Variants in PHTF2 observed in about 807,000 individuals in gnomAD.
The protein encoded by PHTF2 is putative homeodomain transcription factor 2.
PHTF2 carries 60 observed loss-of-function variants against 101.2 expected under a neutral mutation model. The ratio of observed to expected loss-of-function variants is 0.59; its 90% confidence interval spans 0.48 to 0.73. The LOEUF is 0.73. PHTF2 is among the 30% of genes least tolerant of loss of function. PHTF2 has a pLI of 0.00. For missense variants in PHTF2, 747 were observed against 908.7 expected (o/e 0.82, Z 2.29); for synonymous variants, 311 against 307.3 (o/e 1.01, Z -0.13).
chr7:77,812,779 T>C (rs545659308), intron 1 of PHTF2, among the ~76,000 whole-genome samples: 7 of 152,094 alleles, frequency 4.6e-5, no homozygotes, highest in Non-Finnish European at 7.4e-5. Flanking sequence ...TTAGTAGAGA[T>C]GGGGTTTCAC....
chr7:77,909,776 G>A (rs17515730), intron 8 of PHTF2: 24,361 of 153,468 alleles, frequency 0.16, 2,190 homozygotes, highest in African/African-American at 0.24. Flanking sequence ...TTTTGGAGCA[G>A]GTCCTCTTTT....
chr7:77,951,696 CTACT>C lies in PHTF2; in HGVS notation c.2196_2199del (p.Thr733AsnfsTer3). ...CTAGTGAATAATGTTTTAAAACTGG[CTACT>C]AAACTGCTAAAGGTAAGAATAGAAC... On this transcript the variant is annotated frameshift_variant, in exon 18 of 20. Coordinates refer to ENST00000416283, the Ensembl canonical transcript of PHTF2. LOFTEE classifies it high-confidence loss of function. 7.1e-7 allele frequency: 1 copy of C among 1,401,560 alleles called. No individual in the cohort carries two copies. Among genetic ancestry groups the C allele is most frequent in the Non-Finnish European group, 9.7e-7 (1 of 1,027,146 alleles). 86.8% of individuals were successfully genotyped at this position (1,401,560 alleles called of 1,614,324 possible).
intron 1 of PHTF2, among the ~76,000 whole-genome samples, chr7:77,829,221 T>C (rs910241381): frequency 6.6e-6 from 1 of 152,302 alleles, no homozygotes; most frequent in East Asian, 1.9e-4. Context: ...ACTTAGATTT[T>C]GTAACAGCAC....
intron 11 of PHTF2, chr7:77,923,105 T>C (rs1803637338): frequency 9.8e-7 from 1 of 1,019,846 alleles, no homozygotes; most frequent in Non-Finnish European, 1.2e-6. Context: ...TGAAAGGCTT[T>C]ATACATTTGA....
At chr7:77,908,131 A>G (rs1453930032) in intron 7 of PHTF2, 1 of 152,140 alleles carries the variant, frequency 6.6e-6, no homozygotes, top group Non-Finnish European at 1.5e-5. Flanking sequence ...TTGTATTCAG[A>G]CTTACTAAGA....
At chr7:77,835,282 A>T (rs1424456205) in intron 1 of PHTF2, among the ~76,000 whole-genome samples, 1 of 151,772 alleles carries the variant, frequency 6.6e-6, no homozygotes, top group African/African-American at 2.4e-5. Flanking sequence ...CTCAAAAAAA[A>T]AAAAAACAAG....
intron 1 of PHTF2, among the ~76,000 whole-genome samples, chr7:77,816,832 T>A (rs983184886): frequency 5.3e-5 from 8 of 152,240 alleles, no homozygotes; most frequent in Non-Finnish European, 7.3e-5. Flanking sequence ...TTTAACTTTC[T>A]GTTCCTGGCT....
chr7:77,911,561 C>G (rs1802400965), intron 9 of PHTF2, among the ~76,000 whole-genome samples: 1 of 152,178 alleles, frequency 6.6e-6, no homozygotes, highest in African/African-American at 2.4e-5. Flanking sequence ...TTGCAAATAA[C>G]TATTCTGTCA....
chr7:77,893,643 T>A, exon 4 of PHTF2: 1 of 1,425,830 alleles, frequency 7.0e-7, no homozygotes, highest in Non-Finnish European at 9.8e-7. Flanking sequence ...GGGAAAAATC[T>A]GTTGAACAGA....
At chr7:77,885,302 G>A (rs562754657) in intron 3 of PHTF2, among the ~76,000 whole-genome samples, 4 of 152,152 alleles carry the variant, frequency 2.6e-5, no homozygotes, top group Non-Finnish European at 5.9e-5. Context: ...TCACTGTGTT[G>A]TCCAGGCCAG....
chr7:77,803,416 C>T (rs532312815), intron 1 of PHTF2, among the ~76,000 whole-genome samples: 1 of 152,140 alleles, frequency 6.6e-6, no homozygotes, highest in African/African-American at 2.4e-5. Flanking sequence ...GTTACAGATA[C>T]CAGAAAATTT....
chr7:77,834,143 T>C (rs1202431844), intron 1 of PHTF2, among the ~76,000 whole-genome samples: 1 of 151,876 alleles, frequency 6.6e-6, no homozygotes, highest in African/African-American at 2.4e-5. Flanking sequence ...CCAGACCTCG[T>C]GTCTGCTAAA....
At chr7:77,901,517 C>T (rs1801392437) in intron 6 of PHTF2, among the ~76,000 whole-genome samples, 1 of 152,030 alleles carries the variant, frequency 6.6e-6, no homozygotes, top group African/African-American at 2.4e-5. Flanking sequence ...ATTTGTAATT[C>T]CTAACTAGAA....
chr7:77,815,545 G>A (rs1176996895), intron 1 of PHTF2, among the ~76,000 whole-genome samples: 3 of 152,162 alleles, frequency 2.0e-5, no homozygotes, highest in Non-Finnish European at 2.9e-5. Flanking sequence ...GGAAAATAGC[G>A]GCCATAGAGC....
chr7:77,801,042 T>C (rs565488148), intron 1 of PHTF2, among the ~76,000 whole-genome samples: 12 of 152,350 alleles, frequency 7.9e-5, no homozygotes, highest in Admixed American at 7.2e-4. Context: ...GAATCCACTA[T>C]TGTACACAGT....
intron 11 of PHTF2, among the ~76,000 whole-genome samples, chr7:77,924,588 A>G (rs1052194985): frequency 4.6e-5 from 7 of 152,352 alleles, no homozygotes; most frequent in South Asian, 4.1e-4. Context: ...AAGTATTCCA[A>G]TGATAAATGA....
exon 20 of PHTF2, chr7:77,956,333 C>T (rs1393774656): frequency 6.6e-6 from 1 of 152,492 alleles, no homozygotes; most frequent in Non-Finnish European, 1.5e-5. Context: ...AAATCATAAT[C>T]TTAAAATCAG....
intron 1 of PHTF2, among the ~76,000 whole-genome samples, chr7:77,800,156 G>A (rs1792420400): frequency 6.6e-6 from 1 of 152,096 alleles, no homozygotes; most frequent in Non-Finnish European, 1.5e-5. Context: ...GCACACTTTA[G>A]CCTAAAGAGT....
chr7:77,921,601 T>G (rs1803467209), intron 10 of PHTF2, among the ~76,000 whole-genome samples: 1 of 152,212 alleles, frequency 6.6e-6, no homozygotes, highest in Admixed American at 6.5e-5. Context: ...ATGTAGTCCC[T>G]TACTCTGATT....
Sources: gnomAD v4.1 joint callset for allele counts (sites outside exome capture counted in the v4.1 genomes callset) on GRCh38, gnomAD v4.1.1 for gene constraint, MANE v1.5 for transcripts, NCBI Gene and HGNC (gene_info 2026-07-23, HGNC 2026-07-21) for gene names.